The following TTLL5 variants were observed in gnomAD, a reference collection of about 807,000 sequenced individuals.
TTLL5 encodes tubulin polyglutamylase TTLL5.
In TTLL5, 132 loss-of-function variants were observed where a neutral mutation model predicts 168.4. The observed-to-expected ratio is 0.78, with a 90% CI of 0.68 to 0.91. TTLL5 has a LOEUF of 0.91. TTLL5 is among the 40% of genes least tolerant of loss of function. The pLI is 0.00. For synonymous variants in TTLL5, 546 were observed against 558.6 expected (o/e 0.98, Z 0.32); for missense variants, 1,545 against 1,581.5 (o/e 0.98, Z 0.39).
chr14:75,742,383 T>A (rs1370099034), intron 15 of TTLL5, among the ~76,000 whole-genome samples: 4 of 152,134 alleles, frequency 2.6e-5, no homozygotes, highest in Non-Finnish European at 5.9e-5. Flanking sequence ...CCAGTGGCTT[T>A]ATTGTTTTGT....
chr14:75,918,725 T>C (rs2033710594), intron 31 of TTLL5, among the ~76,000 whole-genome samples: 1 of 152,222 alleles, frequency 6.6e-6, no homozygotes, highest in African/African-American at 2.4e-5. Flanking sequence ...TATTTACTAT[T>C]TGATTATCCT....
chr14:75,692,089 A>G (rs531550767), intron 6 of TTLL5, among the ~76,000 whole-genome samples: 1 of 152,206 alleles, frequency 6.6e-6, no homozygotes, highest in African/African-American at 2.4e-5. Context: ...ATTTTTTGCT[A>G]TGTGACTTTA....
intron 1 of TTLL5, among the ~76,000 whole-genome samples, chr14:75,662,530 G>T (rs1442325592): frequency 6.6e-6 from 1 of 150,720 alleles, no homozygotes; most frequent in African/African-American, 2.4e-5. Context: ...GTAAAGACGG[G>T]GTTTCTCCAT....
At chr14:75,902,079 G>A (rs1240179190) in intron 30 of TTLL5, 63 bp from the exon 31 acceptor site, 13 of 1,438,168 alleles carry the variant, frequency 9.0e-6, no homozygotes, top group Non-Finnish European at 1.3e-5. Flanking sequence ...GAAGCCATCA[G>A]AGGTCCTGCA....
chr14:75,677,799 T>A, intron 3 of TTLL5, among the ~76,000 whole-genome samples: 1 of 149,418 alleles, frequency 6.7e-6, no homozygotes, highest in African/African-American at 2.5e-5. Context: ...AAAAAAAAAT[T>A]TTTTTTTTTT....
At chr14:75,814,877 C>T (rs1894296934) in intron 27 of TTLL5, among the ~76,000 whole-genome samples, 5 of 152,138 alleles carry the variant, frequency 3.3e-5, no homozygotes, top group Admixed American at 3.3e-4. Flanking sequence ...TCAGTCATAG[C>T]AGGCATATTT....
chr14:75,864,579 T>C (rs2030353206), intron 29 of TTLL5, among the ~76,000 whole-genome samples: 1 of 152,140 alleles, frequency 6.6e-6, no homozygotes, highest in Non-Finnish European at 1.5e-5. Flanking sequence ...AGCACTAATA[T>C]ATTAGTATGG....
chr14:75,797,829 A>G (rs917779423), intron 27 of TTLL5, among the ~76,000 whole-genome samples: 2 of 152,052 alleles, frequency 1.3e-5, no homozygotes, highest in African/African-American at 4.8e-5. Flanking sequence ...AGAAACTGCA[A>G]TTACTTGTGT....
intron 18 of TTLL5, among the ~76,000 whole-genome samples, chr14:75,756,417 C>T (rs1890265552): frequency 6.6e-6 from 1 of 151,948 alleles, no homozygotes. Flanking sequence ...CATTGAGTAT[C>T]TTTTCTGTGG....
At chr14:75,836,662 A>G (rs1356140302) in intron 28 of TTLL5, among the ~76,000 whole-genome samples, 1 of 152,174 alleles carries the variant, frequency 6.6e-6, no homozygotes, top group African/African-American at 2.4e-5. Context: ...TATCTCATAT[A>G]ACCCATAAGT....
chr14:75,881,961 T>G (rs2031837026), intron 29 of TTLL5, among the ~76,000 whole-genome samples: 1 of 152,230 alleles, frequency 6.6e-6, no homozygotes, highest in African/African-American at 2.4e-5. Flanking sequence ...TTTTTAGGTC[T>G]TTATTTATAG....
chr14:75,902,858 T>C (rs1192755290), intron 31 of TTLL5, among the ~76,000 whole-genome samples: 1 of 152,202 alleles, frequency 6.6e-6, no homozygotes, highest in Non-Finnish European at 1.5e-5. Context: ...ATTGAGTACC[T>C]ACTCTAGAGA....
intron 7 of TTLL5, among the ~76,000 whole-genome samples, chr14:75,704,266 C>T (rs1266618516): frequency 6.6e-6 from 1 of 152,196 alleles, no homozygotes; most frequent in African/African-American, 2.4e-5. Context: ...CAGCCAGGCG[C>T]AGTGGCTCAT....
At chr14:75,739,052 C>T (rs1237098028) in intron 15 of TTLL5, among the ~76,000 whole-genome samples, 2 of 152,170 alleles carry the variant, frequency 1.3e-5, no homozygotes, top group Non-Finnish European at 2.9e-5. Flanking sequence ...AGCGATCTGC[C>T]TGCCTCGGCC....
chr14:75,773,925 T>TAGAGAGAGAGAG (rs1341418983), intron 21 of TTLL5, among the ~76,000 whole-genome samples: 10 of 26,274 alleles, frequency 3.8e-4, no homozygotes, highest in Admixed American at 5.6e-4. Context: ...TATATATATA[T>TAGAGAGAGAGAG]ATAGAGAGAG....
intron 28 of TTLL5, among the ~76,000 whole-genome samples, chr14:75,862,124 T>A (rs1033573325): frequency 2.0e-5 from 3 of 152,242 alleles, no homozygotes; most frequent in African/African-American, 7.2e-5. Context: ...CTTTCGTGAC[T>A]GACTTATTTC....
chr14:75,730,310 C>T (rs1888450556), intron 12 of TTLL5, among the ~76,000 whole-genome samples: 1 of 152,096 alleles, frequency 6.6e-6, no homozygotes, highest in South Asian at 2.1e-4. Flanking sequence ...AAGATTAGAT[C>T]AGCTATTGAG....
At chr14:75,869,099 G>A (rs1192385192) in intron 29 of TTLL5, among the ~76,000 whole-genome samples, 1 of 150,146 alleles carries the variant, frequency 6.7e-6, no homozygotes, top group Non-Finnish European at 1.5e-5. Flanking sequence ...GGAACTTAAT[G>A]TCATAACCTA....
In TTLL5 at chr14:75,930,856, CAGCTT is replaced by C. The variant is rs1391941096; in HGVS notation, c.3824-23565_3824-23561del. Among the ~76,000 whole-genome samples the C allele has an allele frequency of 2.6e-5, 4 of 152,308 alleles. No homozygotes were observed. The East Asian group carries it at 7.7e-4, about 29-fold the overall frequency. ...AGTAAGGGCAGTTTATTTAATCACTCAGCTTAGAGAAATATCATCCATATATTTAG... is the reference window on the plus strand; with the variant it reads ...AGTAAGGGCAGTTTATTTAATCACTCAGAGAAATATCATCCATATATTTAG... On this transcript the variant is annotated intron_variant, in intron 31 of 31. Transcript: ENST00000298832.
Sources: allele counts gnomAD v4.1 joint callset (sites outside exome capture counted in the v4.1 genomes callset), GRCh38; gene constraint gnomAD v4.1.1; transcripts MANE v1.5; gene names NCBI Gene and HGNC (gene_info 2026-07-23, HGNC 2026-07-21).